Variants in NDUFS1 observed in about 807,000 individuals in gnomAD.
NDUFS1 encodes the protein NADH:ubiquinone oxidoreductase core subunit S1.
NDUFS1 carries 61 observed loss-of-function variants against 84.4 expected under a neutral mutation model. That is an observed-to-expected ratio of 0.72 (90% CI 0.59 to 0.89). The LOEUF (loss-of-function observed/expected upper bound fraction) is 0.89, where lower values mean the gene tolerates loss of function less well. NDUFS1 is among the 40% of genes least tolerant of loss of function. The pLI is 0.00. For synonymous variants in NDUFS1, 275 were observed against 290.0 expected (o/e 0.95, Z 0.53); for missense variants, 891 against 890.0 (o/e 1.00, Z -0.01).
At chr2:206,148,191 C>T (rs1463715901) in intron 5 of NDUFS1, among the ~76,000 whole-genome samples, 1 of 152,114 alleles carries the variant, frequency 6.6e-6, no homozygotes, top group Non-Finnish European at 1.5e-5. Flanking sequence ...TCCCAAAGTG[C>T]TAGAATTACA....
chr2:206,138,589 C>A lies in NDUFS1; in HGVS notation c.1288G>T (p.Ala430Ser). The A allele has an allele frequency of 1.9e-6, 3 of 1,613,906 alleles. No homozygotes were observed. Among genetic ancestry groups the A allele is most frequent in the Non-Finnish European group, 1.7e-6 (2 of 1,179,868 alleles). Residue 430 changes from alanine (A) to serine (S), a missense_variant, in exon 13 of 19, where the codon GCC becomes TCC. Ala to Ser is a moderately conservative substitution (Grantham distance 99). Transcript: ENST00000233190. ...KSWLHNDLKV[A>S]LIGSPVDLTY... ...AGGTCCACTGGACTGCCTATAAGGGCCACTTTTAAGTCATTATGCAGCCAG... is the reference window on the plus strand; with the variant it reads ...AGGTCCACTGGACTGCCTATAAGGGACACTTTTAAGTCATTATGCAGCCAG...
chr2:206,154,090 T>C lies in NDUFS1; in HGVS notation c.-4-408A>G, dbSNP rs1357388811. ...TTTCCTACCAATACCCATTCTATCATTTCATGTTCTAAGCATAGCTGTCTA... is the reference window on the plus strand; with the variant it reads ...TTTCCTACCAATACCCATTCTATCACTTCATGTTCTAAGCATAGCTGTCTA... On this transcript the variant is annotated intron_variant, in intron 1 of 18. Coordinates refer to ENST00000233190, the MANE Select transcript of NDUFS1 (RefSeq NM_005006.7). Among the ~76,000 whole-genome samples the C allele has an allele frequency of 2.6e-5, 4 of 152,246 alleles. No individual in the cohort carries two copies. In the East Asian group the frequency reaches 7.7e-4, roughly 29 times the overall value.
At position 206,121,575 on chromosome 2, in the gene NDUFS1, C is replaced by T. The variant is rs1344386307; in HGVS notation, c.*2610G>A. 2 of 152,152 alleles carry T rather than the reference C, an allele frequency of 1.3e-5. No homozygotes were observed. Among genetic ancestry groups the T allele is most frequent in the African/African-American group, 2.4e-5 (1 of 41,414 alleles). The allele number at this position is 152,152 out of a possible 1,614,324, so 9.4% of individuals were successfully genotyped here. On this transcript the variant is annotated 3_prime_UTR_variant, in exon 19 of 19. Coordinates refer to ENST00000233190, the MANE Select transcript of NDUFS1 (RefSeq NM_005006.7). ...TCAAGCGATTTTCCTGCTTCAGCCT[C>T]CCCAGTAGCTGGGATTACAGCCATG...
At position 206,117,696 on chromosome 2, in the gene NDUFS1, T is replaced by A. The variant is rs1416639720; in HGVS notation, c.*6489A>T. 3 of 152,210 alleles carry A rather than the reference T, an allele frequency of 2.0e-5. No homozygotes were observed. The highest frequency in any genetic ancestry group is 4.4e-5 in the Non-Finnish European group (3 of 68,050). The allele number at this position is 152,210 out of a possible 1,614,324, so 9.4% of individuals were successfully genotyped here. On this transcript the variant is annotated 3_prime_UTR_variant, in exon 19 of 19. Coordinates refer to ENST00000233190, the MANE Select transcript of NDUFS1 (RefSeq NM_005006.7). ...GAGAGCCACCGCACCCAGCTGATAC[T>A]CTGCAAATGTTTAATAGATGTTGGA...
rs140829024 is a variant in NDUFS1 at position 206,143,830 on chromosome 2, G to A, written c.987+188C>T. 0.01 allele frequency among the ~76,000 whole-genome samples: 1,572 copies of A among 151,776 alleles called. 17 individuals are homozygous for A. The highest frequency in any genetic ancestry group is 0.02 in the Admixed American group (302 of 15,278). On this transcript the variant is annotated intron_variant, in intron 10 of 18. Coordinates refer to ENST00000233190, the MANE Select transcript of NDUFS1 (RefSeq NM_005006.7). ...AGGATGCAGGAATGATGTGTCTCTG[G>A]TCTTTATATCCCTTAATAGCATAAT...
chr2:206,143,915 G>T, intron 10 of NDUFS1, 103 bp downstream of exon 10: 1 of 930,136 alleles, frequency 1.1e-6, no homozygotes, highest in Non-Finnish European at 1.7e-6. Context: ...TCATAATCTT[G>T]GTAAAAGTAA....
At position 206,117,562 on chromosome 2, in the gene NDUFS1, T is replaced by G. The variant is rs1393347480; in HGVS notation, c.*6623A>C. The G allele has an allele frequency of 6.6e-6, 1 of 152,256 alleles. No homozygotes were observed. Among genetic ancestry groups the G allele is most frequent in the Non-Finnish European group, 1.5e-5 (1 of 68,078 alleles). 9.4% of individuals were successfully genotyped at this position (152,256 alleles called of 1,614,324 possible). A position where few individuals can be genotyped will look rare whatever the true frequency, so the allele number is the denominator to read the frequency against. On this transcript the variant is annotated 3_prime_UTR_variant, in exon 19 of 19. Coordinates refer to ENST00000233190, the MANE Select transcript of NDUFS1 (RefSeq NM_005006.7). The stretch of plus-strand genomic sequence containing the variant: ...CAATTCTCTGACTCAGCCTCCAGAG[T>G]AGCTGGGATTACAGGTGTCTTGCCA...
intron 13 of NDUFS1, among the ~76,000 whole-genome samples, chr2:206,137,589 G>GA (rs199659433): frequency 3.3e-5 from 5 of 151,724 alleles, no homozygotes; most frequent in Admixed American, 6.6e-5. Flanking sequence ...AGAAAGGGGG[G>GA]AAAAAAAAGT....
chr2:206,131,959 TAATAA>T (rs1249138250), intron 14 of NDUFS1, among the ~76,000 whole-genome samples: 1 of 150,174 alleles, frequency 6.7e-6, no homozygotes, highest in African/African-American at 2.4e-5. Context: ...ATAATAATAA[TAATAA>T]AATAAAAAAA....
intron 13 of NDUFS1, among the ~76,000 whole-genome samples, chr2:206,133,371 A>T (rs1281263879): frequency 6.6e-6 from 1 of 152,204 alleles, no homozygotes; most frequent in African/African-American, 2.4e-5. Flanking sequence ...AGCCTAGCAA[A>T]TTATCCTGTG....
At chr2:206,141,264 G>T (rs2105965556) in intron 12 of NDUFS1, among the ~76,000 whole-genome samples, 1 of 152,124 alleles carries the variant, frequency 6.6e-6, no homozygotes, top group South Asian at 2.1e-4. Flanking sequence ...AATTAAAAAG[G>T]CCGGGCGCGG....
chr2:206,144,168 C>T, intron 9 of NDUFS1, 36 bp from the exon 10 acceptor site: 2 of 1,460,352 alleles, frequency 1.4e-6, no homozygotes, highest in South Asian at 1.1e-5. Flanking sequence ...TGGAATCTTG[C>T]TAAAGAAGTA....
chr2:206,124,092 T>A lies in NDUFS1; in HGVS notation c.*93A>T, dbSNP rs1691188418. On this transcript the variant is annotated 3_prime_UTR_variant, in exon 19 of 19. Transcript: ENST00000233190. ...TATTACATGATTCAAATTATTATTA[T>A]TTTTTTTTACAAAGAAATAAACCTG... 6 of 768,218 alleles carry A rather than the reference T, an allele frequency of 7.8e-6. No individual in the cohort carries two copies. The highest frequency in any genetic ancestry group is 2.7e-5 in the East Asian group (1 of 36,418). The allele number at this position is 768,218 out of a possible 1,614,324, so 47.6% of individuals were successfully genotyped here. A position where few individuals can be genotyped will look rare whatever the true frequency, so the allele number is the denominator to read the frequency against.
chr2:206,154,592 C>T (rs566808749), intron 1 of NDUFS1, among the ~76,000 whole-genome samples: 1 of 152,316 alleles, frequency 6.6e-6, no homozygotes, highest in South Asian at 2.1e-4. Context: ...ACACACAAAA[C>T]AGAAAAGTTA....
At position 206,124,284 on chromosome 2, in the gene NDUFS1, A is replaced by C; in HGVS notation, c.2093-8T>G. ...AGGCTCTGCTAATTGAATCTGAAAG[A>C]TATTAAGAAAATGTCATTTTGATAA... On this transcript the variant is annotated splice_region_variant and splice_polypyrimidine_tract_variant and intron_variant, in intron 18 of 18. Transcript: ENST00000233190. 6.3e-7 allele frequency: 1 copy of C among 1,593,562 alleles called. No individual in the cohort carries two copies. Among genetic ancestry groups the C allele is most frequent in the Non-Finnish European group, 8.6e-7 (1 of 1,161,354 alleles).
At chr2:206,143,966 T>C (rs556127310) in intron 10 of NDUFS1, 52 bp downstream of exon 10, 3 of 1,425,012 alleles carry the variant, frequency 2.1e-6, no homozygotes, top group African/African-American at 1.4e-5. Flanking sequence ...ATGGCAAAGA[T>C]GTTTCTTGAT....
intron 13 of NDUFS1, among the ~76,000 whole-genome samples, chr2:206,133,392 CTA>C (rs573028105): frequency 2.0e-5 from 3 of 152,128 alleles, no homozygotes; most frequent in Non-Finnish European, 2.9e-5. Context: ...GTCAGAATAA[CTA>C]TGGGCAGGTC....
chr2:206,130,332 A>C, intron 14 of NDUFS1, 90 bp from the exon 15 acceptor site: 1 of 1,465,924 alleles, frequency 6.8e-7, no homozygotes, highest in South Asian at 1.2e-5. Context: ...CCTTTCAACA[A>C]TGTCAAAAAA....
At chr2:206,132,377 A>G (rs1170308954) in intron 14 of NDUFS1, among the ~76,000 whole-genome samples, 1 of 152,124 alleles carries the variant, frequency 6.6e-6, no homozygotes, top group Non-Finnish European at 1.5e-5. Flanking sequence ...TGAGCCCAGG[A>G]GTTTGAGATC....
Sources: allele counts gnomAD v4.1 joint callset (sites outside exome capture counted in the v4.1 genomes callset), GRCh38; gene constraint gnomAD v4.1.1; transcripts MANE v1.5; gene names NCBI Gene and HGNC (gene_info 2026-07-23, HGNC 2026-07-21).